DDAH1: variants seen among roughly 807,000 people sequenced by gnomAD.
DDAH1 encodes the protein N(G),N(G)-dimethylarginine dimethylaminohydrolase 1.
In DDAH1, 19 loss-of-function variants were observed where a neutral mutation model predicts 28.8. The observed-to-expected ratio is 0.66, with a 90% CI of 0.46 to 0.97. DDAH1 has a LOEUF of 0.97. DDAH1 is among the 50% of genes least tolerant of loss of function. The pLI, the probability that DDAH1 is intolerant of heterozygous loss-of-function variation, is 0.00. For missense variants in DDAH1, 326 were observed against 375.9 expected (o/e 0.87, Z 1.10); for synonymous variants, 153 against 154.4 (o/e 0.99, Z 0.07).
intron 1 of DDAH1, among the ~76,000 whole-genome samples, chr1:85,362,223 A>C (rs562856640): frequency 6.6e-5 from 10 of 152,038 alleles, no homozygotes; most frequent in Non-Finnish European, 1.3e-4. Context: ...CAGCTCCTGG[A>C]AGCTGTCAAG....
At chr1:85,475,862 GT>G (rs1465504723) in intron 2 of DDAH1, among the ~76,000 whole-genome samples, 1 of 151,942 alleles carries the variant, frequency 6.6e-6, no homozygotes, top group Non-Finnish European at 1.5e-5. Context: ...TTTGGTTTTG[GT>G]TTTTTCGAGA....
intron 1 of DDAH1, among the ~76,000 whole-genome samples, chr1:85,369,950 A>C (rs1650290545): frequency 6.6e-6 from 1 of 152,218 alleles, no homozygotes; most frequent in Admixed American, 6.5e-5. Context: ...AAAGGCCCTA[A>C]GGTGGGAACA....
At chr1:85,503,860 A>G (rs1453002979) in intron 1 of DDAH1, among the ~76,000 whole-genome samples, 1 of 152,100 alleles carries the variant, frequency 6.6e-6, no homozygotes, top group Non-Finnish European at 1.5e-5. Flanking sequence ...ATGATGGGGG[A>G]AAAGGTCAGT....
At chr1:85,338,238 A>G (rs1046025701) in intron 4 of DDAH1, among the ~76,000 whole-genome samples, 6 of 152,200 alleles carry the variant, frequency 3.9e-5, no homozygotes, top group Non-Finnish European at 7.3e-5. Flanking sequence ...TTTAATATAC[A>G]TATGTTATCA....
Position 85,350,459 on chromosome 1 carries a change from G to T in DDAH1, c.553C>A (p.Leu185Met), listed in dbSNP as rs1170448135. 1.2e-6 allele frequency: 2 copies of T among 1,614,124 alleles called. No individual in the cohort carries two copies. The highest frequency in any genetic ancestry group is 1.7e-6 in the Non-Finnish European group (2 of 1,180,012). The change falls in exon 4 of 6, where the codon CTG (leucine) becomes ATG (methionine). Residue 185 changes from leucine (L) to methionine (M), a missense_variant. Transcript: ENST00000284031. ...KSFCSMAGPN[L>M]IAIGSSESAQ... ...GATTCACTAGACCCAATTGCGATCAGGTTAGGCCCAGCCATGCTGCAGAAA... is the reference window on the plus strand; with the variant it reads ...GATTCACTAGACCCAATTGCGATCATGTTAGGCCCAGCCATGCTGCAGAAA...
chr1:85,547,264 C>A (rs1658654932), intron 1 of DDAH1, among the ~76,000 whole-genome samples: 1 of 152,142 alleles, frequency 6.6e-6, no homozygotes, highest in Admixed American at 6.5e-5. Flanking sequence ...TGTAAGCATT[C>A]AACATGAGAA....
chr1:85,442,876 G>A (rs1654265417), intron 1 of DDAH1, among the ~76,000 whole-genome samples: 1 of 151,896 alleles, frequency 6.6e-6, no homozygotes, highest in African/African-American at 2.4e-5. Context: ...TGATGGGGTT[G>A]ATTTTTTTCT....
At chr1:85,501,000 ATT>A (rs1227131597) in intron 1 of DDAH1, among the ~76,000 whole-genome samples, 3 of 152,024 alleles carry the variant, frequency 2.0e-5, no homozygotes, top group Non-Finnish European at 4.4e-5. Flanking sequence ...TTTTAAACAT[ATT>A]TATAAGAGTT....
intron 2 of DDAH1, among the ~76,000 whole-genome samples, chr1:85,480,767 A>G (rs778105196): frequency 9.9e-5 from 15 of 151,912 alleles, no homozygotes; most frequent in Non-Finnish European, 1.5e-4. Flanking sequence ...TAAATTAATT[A>G]ATTAATAATT....
At chr1:85,574,540 T>C (rs1659542926) in intron 1 of DDAH1, among the ~76,000 whole-genome samples, 1 of 152,172 alleles carries the variant, frequency 6.6e-6, no homozygotes, top group Non-Finnish European at 1.5e-5. Context: ...CAGCCCCAGA[T>C]TAGTCGTTCC....
intron 1 of DDAH1, among the ~76,000 whole-genome samples, chr1:85,503,498 G>A (rs1656894449): frequency 1.3e-5 from 2 of 151,928 alleles, no homozygotes; most frequent in South Asian, 2.1e-4. Context: ...CACTGCACCC[G>A]GCTGATGTTC....
intron 4 of DDAH1, among the ~76,000 whole-genome samples, chr1:85,335,634 T>C (rs971914975): frequency 6.6e-6 from 1 of 152,146 alleles, no homozygotes; most frequent in Non-Finnish European, 1.5e-5. Context: ...TAAATACATA[T>C]GCACCCAACA....
chr1:85,469,451 G>A (rs80215923), upstream of DDAH1, among the ~76,000 whole-genome samples: 2,423 of 152,190 alleles, frequency 0.016, 57 homozygotes, highest in African/African-American at 0.054. Context: ...CTATAAATGC[G>A]GAGCAATGAA....
At chr1:85,339,734 T>C (rs1648355344) in intron 4 of DDAH1, among the ~76,000 whole-genome samples, 1 of 152,248 alleles carries the variant, frequency 6.6e-6, no homozygotes, top group African/African-American at 2.4e-5. Flanking sequence ...TGTTTCACCC[T>C]ATGCTTTATT....
chr1:85,526,920 A>G (rs573067818), intron 1 of DDAH1, among the ~76,000 whole-genome samples: 25 of 151,632 alleles, frequency 1.6e-4, no homozygotes, highest in African/African-American at 6.1e-4. Flanking sequence ...GGAAATGTTA[A>G]TAGGAAAAAG....
chr1:85,460,877 T>TA (rs1463100091), intron 1 of DDAH1, among the ~76,000 whole-genome samples: 42 of 152,214 alleles, frequency 2.8e-4, no homozygotes, highest in African/African-American at 7.7e-4. Context: ...AGTTTTAATT[T>TA]AAAAAATTCA....
intron 1 of DDAH1, among the ~76,000 whole-genome samples, chr1:85,372,615 A>C (rs1650443527): frequency 6.6e-6 from 1 of 151,978 alleles, no homozygotes; most frequent in African/African-American, 2.4e-5. Context: ...TTTTACTTCT[A>C]ATTTATCACT....
chr1:85,532,478 C>T (rs1320075237), intron 1 of DDAH1, among the ~76,000 whole-genome samples: 3 of 152,060 alleles, frequency 2.0e-5, no homozygotes, highest in African/African-American at 7.2e-5. Flanking sequence ...TCAGTTTCAC[C>T]ACGTTTGCGA....
At chr1:85,553,053 A>G (rs1302791720) in intron 1 of DDAH1, among the ~76,000 whole-genome samples, 5 of 152,090 alleles carry the variant, frequency 3.3e-5, no homozygotes, top group Admixed American at 3.3e-4. Context: ...AAGATATCCA[A>G]CCACCCTGAG....
Sources: allele counts gnomAD v4.1 joint callset (sites outside exome capture counted in the v4.1 genomes callset), GRCh38; gene constraint gnomAD v4.1.1; transcripts MANE v1.5; gene names NCBI Gene and HGNC (gene_info 2026-07-23, HGNC 2026-07-21).